SCAF4: variants seen among roughly 807,000 people sequenced by gnomAD.
The protein encoded by SCAF4 is SR-related and CTD-associated factor 4.
SCAF4 carries 25 observed loss-of-function variants against 129.8 expected under a neutral mutation model. That is an observed-to-expected ratio of 0.19 (90% CI 0.14 to 0.27). The LOEUF is 0.27. Ranked by LOEUF, SCAF4 falls within the 10% of genes least tolerant of loss-of-function variation. The pLI is 1.00. For missense variants in SCAF4, 1,246 were observed against 1,457.1 expected (o/e 0.86, Z 2.36); for synonymous variants, 551 against 497.7 (o/e 1.11, Z -1.43).
intron 1 of SCAF4, among the ~76,000 whole-genome samples, chr21:31,723,055 T>G (rs1240811999): frequency 1.3e-5 from 2 of 152,252 alleles, no homozygotes; most frequent in African/African-American, 4.8e-5. Context: ...CCAAACACAG[T>G]ATGATGTTTA....
intron 3 of SCAF4, among the ~76,000 whole-genome samples, chr21:31,705,008 C>G (rs552584780): frequency 1.3e-5 from 2 of 152,128 alleles, no homozygotes; most frequent in Non-Finnish European, 2.9e-5. Flanking sequence ...GCCAATCACA[C>G]AGTTATAAAA....
Position 31,685,107 on chromosome 21 carries a change from T to G in SCAF4, c.2430A>C (p.Pro810=), listed in dbSNP as rs201138300. The part of the protein sequence containing the change: ...DSVKMYGSAV[P]PAAPTNLPTP... ...TGGGCAGATTCGTGGGTGCAGCAGG[T>G]GGCACGGCAGAGCCATACATTTTCA... The change falls in exon 19 of 20, where the codon CCA becomes CCC. Residue 810 remains proline (P), a synonymous_variant. Transcript: ENST00000286835. 5 of 1,612,828 alleles carry G rather than the reference T, an allele frequency of 3.1e-6. No individual in the cohort carries two copies. Among genetic ancestry groups the G allele is most frequent in the African/African-American group, 1.3e-5 (1 of 74,718 alleles).
chr21:31,702,194 G>T, intron 5 of SCAF4, 50 bp downstream of exon 5: 1 of 1,609,674 alleles, frequency 6.2e-7, no homozygotes, highest in Non-Finnish European at 8.5e-7. Flanking sequence ...ACTGTTTCAT[G>T]TGCAAAAAAT....
chr21:31,705,149 G>A (rs1210425858), intron 3 of SCAF4, among the ~76,000 whole-genome samples: 1 of 152,170 alleles, frequency 6.6e-6, no homozygotes, highest in Non-Finnish European at 1.5e-5. Context: ...AGCAGTCAGG[G>A]CAAGGGGGTA....
At chr21:31,689,263 C>T (rs993266870) in intron 15 of SCAF4, among the ~76,000 whole-genome samples, 8 of 151,756 alleles carry the variant, frequency 5.3e-5, no homozygotes, top group African/African-American at 1.9e-4. Flanking sequence ...CTCTTTTTGG[C>T]TCTGAAACCG....
chr21:31,678,000 A>T (rs1235692495), intron 19 of SCAF4, among the ~76,000 whole-genome samples: 1 of 152,188 alleles, frequency 6.6e-6, no homozygotes, highest in African/African-American at 2.4e-5. Context: ...TCATATTCTT[A>T]GCTGCCAAAT....
chr21:31,685,409 C>T lies in SCAF4; in HGVS notation c.2285G>A (p.Ser762Asn). Residue 762 changes from serine (S) to asparagine (N), a missense_variant, in exon 18 of 20, where the codon AGC becomes AAC. Around this residue, in one of 6 missense-constraint regions of SCAF4, gnomAD observed 468 missense variants for 605.5 expected, o/e 0.77. Transcript: ENST00000286835. ...AAAAACATGCTTACAGTTTGGGATG[C>T]TTATTGGTGGAGTGTGAGGAGGAGG... ...SIPPPHTPPI[S>N]IPNSTIAGIN... 2 of 1,611,036 alleles carry T rather than the reference C, an allele frequency of 1.2e-6. No individual in the cohort carries two copies. Among genetic ancestry groups the T allele is most frequent in the African/African-American group, 2.7e-5 (2 of 74,902 alleles).
Position 31,671,879 on chromosome 21 carries a change from C to A in SCAF4, c.2964G>T (p.Arg988Ser), listed in dbSNP as rs1295389933. Residue 988 changes from arginine (R) to serine (S), a missense_variant, in exon 20 of 20, where the codon AGG becomes AGT. Transcript: ENST00000286835. ...GGTCTCTACCTGAATTGAACTGCTG[C>A]CTGTTATCATTTCTAAACTGCTGTG... The part of the protein sequence containing the change: ...QQPQQFRNDN[R>S]QQFNSGRDQE... 2 of 1,614,190 alleles carry A rather than the reference C, an allele frequency of 1.2e-6. No homozygotes were observed. Among genetic ancestry groups the A allele is most frequent in the South Asian group, 2.2e-5 (2 of 91,088 alleles).
intron 16 of SCAF4, among the ~76,000 whole-genome samples, chr21:31,687,319 T>C (rs1454446008): frequency 6.6e-6 from 1 of 152,180 alleles, no homozygotes; most frequent in Non-Finnish European, 1.5e-5. Context: ...TAACATATAT[T>C]ATCTCATTTA....
intron 19 of SCAF4, among the ~76,000 whole-genome samples, chr21:31,676,047 CAT>C (rs1386450640): frequency 1.3e-5 from 2 of 152,140 alleles, no homozygotes; most frequent in Non-Finnish European, 2.9e-5. Context: ...AGATATAAAA[CAT>C]AAAATGTAAA....
chr21:31,689,160 T>C (rs1053165279), intron 15 of SCAF4, among the ~76,000 whole-genome samples: 9 of 152,104 alleles, frequency 5.9e-5, no homozygotes, highest in Non-Finnish European at 1.2e-4. Context: ...CAATACCTGA[T>C]TGCCTTAACA....
At chr21:31,704,699 AAAAT>A (rs777179861) in intron 3 of SCAF4, among the ~76,000 whole-genome samples, 5 of 152,224 alleles carry the variant, frequency 3.3e-5, no homozygotes, top group African/African-American at 4.8e-5. Flanking sequence ...ATGTACATAA[AAAAT>A]AAATCCAAAT....
At chr21:31,709,343 A>G (rs1000510044) in intron 1 of SCAF4, among the ~76,000 whole-genome samples, 2 of 142,996 alleles carry the variant, frequency 1.4e-5, no homozygotes, top group African/African-American at 2.6e-5. Flanking sequence ...ACTGGTACTG[A>G]AACTGTCAAA....
intron 19 of SCAF4, among the ~76,000 whole-genome samples, chr21:31,674,436 C>A (rs1040933186): frequency 1.3e-5 from 2 of 152,152 alleles, no homozygotes; most frequent in Non-Finnish European, 2.9e-5. Context: ...ATGTGGCCAG[C>A]TGGGTTTCCT....
At position 31,694,223 on chromosome 21, in the gene SCAF4, T is replaced by C. The variant is rs1181920527; in HGVS notation, c.1303A>G (p.Arg435Gly). The C allele has an allele frequency of 1.1e-5, 18 of 1,606,788 alleles. No individual in the cohort carries two copies. The highest frequency in any genetic ancestry group is 1.5e-5 in the Non-Finnish European group (18 of 1,174,126). The change falls in exon 11 of 20, where the codon AGA becomes GGA. Residue 435 changes from arginine (R) to glycine (G), a missense_variant. Physicochemically the swap from Arg to Gly is moderately radical, Grantham distance 125. This residue lies in a region of SCAF4 where 468 missense variants were observed against 605.5 expected (regional missense o/e 0.77). Transcript: ENST00000286835. ...KRHMSDNRKS[R>G]SRSASRSPKR... Reference sequence around the variant, plus strand: ...AATTACCTGGATGCTGACCTAGATCTTGACTTTCTGTTATCAGACATATGT... The same window carrying C: ...AATTACCTGGATGCTGACCTAGATCCTGACTTTCTGTTATCAGACATATGT...
chr21:31,696,384 C>T (rs370349814), intron 8 of SCAF4, among the ~76,000 whole-genome samples, 163 bp from the exon 9 acceptor site: 3 of 152,170 alleles, frequency 2.0e-5, no homozygotes, highest in Non-Finnish European at 4.4e-5. Context: ...TTATTCCCAA[C>T]ATAAAAGCCA....
intron 1 of SCAF4, among the ~76,000 whole-genome samples, chr21:31,729,118 A>C (rs1375672525): frequency 6.6e-6 from 1 of 152,228 alleles, no homozygotes; most frequent in Non-Finnish European, 1.5e-5. Flanking sequence ...TGATTACATT[A>C]TCCCACTGCT....
At chr21:31,700,088 G>A (rs796575978) in intron 7 of SCAF4, among the ~76,000 whole-genome samples, 9 of 151,822 alleles carry the variant, frequency 5.9e-5, no homozygotes, top group Non-Finnish European at 1.0e-4. Flanking sequence ...AGCATCCTGG[G>A]TAGCTAGGGC....
chr21:31,676,445 A>AT (rs1443190563), intron 19 of SCAF4, among the ~76,000 whole-genome samples: 1 of 152,044 alleles, frequency 6.6e-6, no homozygotes, highest in Non-Finnish European at 1.5e-5. Flanking sequence ...CTCCCTCACC[A>AT]TATCTGCCTG....
Sources: allele counts gnomAD v4.1 joint callset (sites outside exome capture counted in the v4.1 genomes callset), GRCh38; gene constraint gnomAD v4.1.1; regional missense constraint gnomAD v4.1.1; transcripts MANE v1.5; gene names NCBI Gene and HGNC (gene_info 2026-07-23, HGNC 2026-07-21).